The following ARHGAP44 variants were observed in gnomAD, a reference collection of about 807,000 sequenced individuals.
The protein encoded by ARHGAP44 is Rho GTPase activating protein 44.
A neutral mutation model predicts 106.8 loss-of-function variants in ARHGAP44; 43 were observed. That is an observed-to-expected ratio of 0.40 (90% CI 0.32 to 0.52). ARHGAP44 has a LOEUF of 0.52. Ranked by LOEUF, ARHGAP44 falls within the 20% of genes least tolerant of loss-of-function variation. ARHGAP44 has a pLI of 0.48. For synonymous variants in ARHGAP44, 439 were observed against 410.3 expected, an observed-to-expected ratio of 1.07 and a Z score of -0.85; for missense variants, 866 against 1,050.5, an observed-to-expected ratio of 0.82 and a Z score of 2.43.
At chr17:12,801,223 G>A (rs548017336) in intron 1 of ARHGAP44, among the ~76,000 whole-genome samples, 2 of 152,362 alleles carry the variant, frequency 1.3e-5, no homozygotes, top group South Asian at 4.1e-4. Flanking sequence ...AGAGCTTTTA[G>A]CACTAGGAAT....
chr17:12,795,921 A>C (rs956035264), intron 1 of ARHGAP44, among the ~76,000 whole-genome samples: 3 of 151,964 alleles, frequency 2.0e-5, no homozygotes, highest in African/African-American at 7.3e-5. Flanking sequence ...TCATTTTCCA[A>C]CTTTAGAGCT....
intron 1 of ARHGAP44, among the ~76,000 whole-genome samples, chr17:12,805,976 A>G (rs1305612860): frequency 6.6e-6 from 1 of 152,154 alleles, no homozygotes; most frequent in Non-Finnish European, 1.5e-5. Flanking sequence ...AGGTGGTGTG[A>G]CCTTCAGCAG....
In ARHGAP44 at chr17:12,885,543, T is replaced by TTG. The variant is rs368471733; in HGVS notation, c.54-9383_54-9382dup. Among the ~76,000 whole-genome samples the TTG allele has an allele frequency of 5.4e-5, 8 of 149,334 alleles. No homozygotes were observed. In the South Asian group the frequency reaches 6.4e-4, roughly 12 times the overall value. On this transcript the variant is annotated intron_variant, in intron 1 of 20. Transcript: ENST00000379672. ...ACTTGATGTGTGTGTGAGTGTGTGT[T>TTG]TGTGTGTGTGTGTGTTGTCACTCAA...
chr17:12,841,821 T>C (rs948939595), intron 1 of ARHGAP44, among the ~76,000 whole-genome samples: 6 of 152,022 alleles, frequency 3.9e-5, no homozygotes, highest in Non-Finnish European at 7.4e-5. Context: ...ATGAAGCTTA[T>C]GTGATTTGGG....
chr17:12,929,271 G>C, intron 7 of ARHGAP44: 1 of 419,126 alleles, frequency 2.4e-6, no homozygotes, highest in Non-Finnish European at 4.4e-6. Context: ...TATCATTGGT[G>C]GTCCTGCATG....
intron 1 of ARHGAP44, among the ~76,000 whole-genome samples, chr17:12,884,215 TA>T (rs2036819151): frequency 6.6e-6 from 1 of 152,214 alleles, no homozygotes; most frequent in Non-Finnish European, 1.5e-5. Context: ...CTTTTGCTTT[TA>T]ACTAGAATAT....
intron 13 of ARHGAP44, 92 bp downstream of exon 13, chr17:12,952,673 C>T (rs2039020721): frequency 3.7e-6 from 3 of 803,426 alleles, no homozygotes; most frequent in Admixed American, 5.1e-5. Flanking sequence ...TGGTAACTAC[C>T]ATGCATAGCA....
At chr17:12,862,007 C>T (rs1214108606) in intron 1 of ARHGAP44, among the ~76,000 whole-genome samples, 1 of 152,160 alleles carries the variant, frequency 6.6e-6, no homozygotes, top group Non-Finnish European at 1.5e-5. Context: ...CTGCTTATCT[C>T]AGTGTCTATC....
chr17:12,936,388 T>C (rs1465636916), intron 7 of ARHGAP44, among the ~76,000 whole-genome samples: 3 of 152,218 alleles, frequency 2.0e-5, no homozygotes, highest in Admixed American at 1.3e-4. Context: ...ACCACTGATC[T>C]TTTTATTGTT....
chr17:12,953,386 A>C (rs1023757251), intron 13 of ARHGAP44, among the ~76,000 whole-genome samples: 1 of 152,216 alleles, frequency 6.6e-6, no homozygotes, highest in African/African-American at 2.4e-5. Context: ...CTTAGGAGGC[A>C]GATTTTCAGC....
chr17:12,809,822 G>A (rs2034384971), intron 1 of ARHGAP44, among the ~76,000 whole-genome samples: 1 of 152,184 alleles, frequency 6.6e-6, no homozygotes, highest in Non-Finnish European at 1.5e-5. Flanking sequence ...TAAAGGCCAT[G>A]GTGGAACTTG....
At chr17:12,805,213 A>AT (rs1312716450) in intron 1 of ARHGAP44, among the ~76,000 whole-genome samples, 4 of 151,676 alleles carry the variant, frequency 2.6e-5, no homozygotes, top group East Asian at 3.9e-4. Flanking sequence ...CACACCACTT[A>AT]TTTTTTCCTG....
chr17:12,990,112 C>CA lies in ARHGAP44; in HGVS notation c.2398_2399insA (p.Arg800GlnfsTer6). ...CCTGAGTCCCCTGGAGCACATGCGG[C>CA]GACACTCAGTAACTGACAAGAGGGA... On this transcript the variant is annotated frameshift_variant, in exon 21 of 21. Coordinates refer to ENST00000379672, the MANE Select transcript of ARHGAP44 (RefSeq NM_014859.6). LOFTEE classifies it high-confidence loss of function. The CA allele has an allele frequency of 6.2e-7, 1 of 1,613,666 alleles. No individual in the cohort carries two copies. The highest frequency in any genetic ancestry group is 1.1e-5 in the South Asian group (1 of 91,078).
rs867186915 is a variant in ARHGAP44, at chr17:12,836,827, T to A, written c.53+46936T>A. On this transcript the variant is annotated intron_variant, in intron 1 of 20. Coordinates refer to ENST00000379672, the MANE Select transcript of ARHGAP44 (RefSeq NM_014859.6). ...AGGCAGAAAAATCCATAGTTATAGG[T>A]GAGGACTTCACCACTGCTCTCTTAG... 3.3e-5 allele frequency among the ~76,000 whole-genome samples: 5 copies of A among 152,238 alleles called. No individual in the cohort carries two copies. In the Middle Eastern group the frequency reaches 0.01, roughly 311 times the overall value.
chr17:12,853,883 C>G, intron 1 of ARHGAP44, among the ~76,000 whole-genome samples: 1 of 152,140 alleles, frequency 6.6e-6, no homozygotes, highest in Non-Finnish European at 1.5e-5. Flanking sequence ...CTTCATTTAC[C>G]TCTGCCTGGC....
intron 1 of ARHGAP44, among the ~76,000 whole-genome samples, chr17:12,831,007 T>C (rs1023477132): frequency 9.9e-5 from 15 of 152,218 alleles, no homozygotes; most frequent in Admixed American, 6.5e-4. Context: ...TTATTACATT[T>C]TCCTGTTCGG....
chr17:12,824,692 C>G (rs1459480623), intron 1 of ARHGAP44, among the ~76,000 whole-genome samples: 1 of 152,104 alleles, frequency 6.6e-6, no homozygotes, highest in Non-Finnish European at 1.5e-5. Context: ...TTTCCCATCA[C>G]TCAGAGGAAA....
In ARHGAP44 at chr17:12,990,253, C is replaced by T; in HGVS notation, c.*82C>T. On this transcript the variant is annotated 3_prime_UTR_variant, in exon 21 of 21. Coordinates refer to ENST00000379672, the MANE Select transcript of ARHGAP44 (RefSeq NM_014859.6). Reference sequence around the variant, plus strand: ...GCCAGGAGCAGCGTCCATGAGCTTGCCAAGTGTTCTCTGCTGGCTCTTTCC... The same window carrying T: ...GCCAGGAGCAGCGTCCATGAGCTTGTCAAGTGTTCTCTGCTGGCTCTTTCC... The T allele has an allele frequency of 6.6e-7, 1 of 1,508,992 alleles. No homozygotes were observed. Among genetic ancestry groups the T allele is most frequent in the Non-Finnish European group, 8.9e-7 (1 of 1,117,488 alleles). 93.5% of individuals were successfully genotyped at this position (1,508,992 alleles called of 1,614,324 possible). A position where few individuals can be genotyped will look rare whatever the true frequency, so the allele number is the denominator to read the frequency against.
rs531593640 is a variant in ARHGAP44 at position 12,878,056 on chromosome 17, G to A, written c.54-16884G>A. 4.9e-4 allele frequency among the ~76,000 whole-genome samples: 75 copies of A among 152,272 alleles called. 1 individual carries two copies. In the South Asian group the frequency reaches 5.8e-3, roughly 12 times the overall value. On this transcript the variant is annotated intron_variant, in intron 1 of 20. Transcript: ENST00000379672. ...TCCACACCTCAGTTATGAATTAGCC[G>A]TTACATGAAATATGTTTTCATATTT...
Sources: gnomAD v4.1 joint callset for allele counts (sites outside exome capture counted in the v4.1 genomes callset) on GRCh38, gnomAD v4.1.1 for gene constraint, MANE v1.5 for transcripts, NCBI Gene and HGNC (gene_info 2026-07-23, HGNC 2026-07-21) for gene names.